RANBP10: variants seen among roughly 807,000 people sequenced by gnomAD.
RANBP10 encodes the protein RAN binding protein 10, also known as ran-binding protein 10.
RANBP10 carries 24 observed loss-of-function variants against 72.8 expected under a neutral mutation model. The observed-to-expected ratio is 0.33, with a 90% CI of 0.24 to 0.46. The LOEUF is 0.46. RANBP10 is among the 20% of genes least tolerant of loss of function. RANBP10 has a pLI of 1.00. For missense variants in RANBP10, 679 were observed against 817.5 expected (o/e 0.83, Z 2.07); for synonymous variants, 310 against 322.3 (o/e 0.96, Z 0.41).
intron 3 of RANBP10, among the ~76,000 whole-genome samples, chr16:67,768,138 C>T (rs1292271610): frequency 6.6e-6 from 1 of 151,754 alleles, no homozygotes; most frequent in Non-Finnish European, 1.5e-5. Context: ...ACTTGTAATC[C>T]CAGCACTTTG....
In RANBP10 at chr16:67,738,039, T is replaced by TG. The variant is rs763758501; in HGVS notation, c.569-5dup. The TG allele has an allele frequency of 9.4e-6, 15 of 1,588,414 alleles. No homozygotes were observed. Among genetic ancestry groups the TG allele is most frequent in the East Asian group, 9.1e-5 (4 of 43,766 alleles). On this transcript the variant is annotated splice_region_variant and splice_polypyrimidine_tract_variant and intron_variant, in intron 4 of 13. Coordinates refer to ENST00000317506, the MANE Select transcript of RANBP10 (RefSeq NM_020850.3). ...GGGAGGTCTGTGAAGGCTATACCTG[T>TG]GGGGGGAAAGGAACAGTCATCAGGG... is the stretch of plus-strand genomic sequence containing the variant.
In RANBP10 at chr16:67,730,830, G is replaced by T. The variant is rs1427111179; in HGVS notation, c.889+642C>A. 6.6e-6 allele frequency among the ~76,000 whole-genome samples: 1 copy of T among 152,126 alleles called. No individual in the cohort carries two copies. The highest frequency in any genetic ancestry group is 1.5e-5 in the Non-Finnish European group (1 of 68,016). On this transcript the variant is annotated intron_variant, in intron 7 of 13. Transcript: ENST00000317506. This position sits in a 1 kb window ranked among gnomAD's most constrained non-coding sequence, Gnocchi z 4.3. The stretch of plus-strand genomic sequence containing the variant: ...CAGACACGCATATCCACACCCACTT[G>T]CCCTCATTCTCCTTTTCTCCTTCTA...
At chr16:67,739,289 T>G (rs1324494313) in intron 4 of RANBP10, among the ~76,000 whole-genome samples, 2 of 152,210 alleles carry the variant, frequency 1.3e-5, no homozygotes, top group African/African-American at 4.8e-5. Flanking sequence ...TTACTTCATC[T>G]GATCCTCACA....
At position 67,806,173 on chromosome 16, in the gene RANBP10, C is replaced by T; in HGVS notation, c.235+129G>A. On this transcript the variant is annotated intron_variant, in intron 1 of 13. Transcript: ENST00000317506. ...TGTTCAGCCTCACCACCCTGGACATCCTGAAAGGGCCAAGCCCTAACTTGG... is the reference window on the plus strand; with the variant it reads ...TGTTCAGCCTCACCACCCTGGACATTCTGAAAGGGCCAAGCCCTAACTTGG... 8.8e-6 allele frequency: 8 copies of T among 911,996 alleles called. No individual in the cohort carries two copies. In the South Asian group the frequency reaches 1.2e-4, roughly 14 times the overall value. 56.5% of individuals were successfully genotyped at this position (911,996 alleles called of 1,614,324 possible).
intron 2 of RANBP10, among the ~76,000 whole-genome samples, chr16:67,789,538 C>T (rs1334444461): frequency 6.6e-6 from 1 of 151,334 alleles, no homozygotes; most frequent in East Asian, 2.0e-4. Flanking sequence ...GGCACCATCT[C>T]GGCTTGCTGC....
At chr16:67,781,128 C>T (rs776132327) in intron 2 of RANBP10, among the ~76,000 whole-genome samples, 2 of 152,228 alleles carry the variant, frequency 1.3e-5, no homozygotes, top group Non-Finnish European at 2.9e-5. Context: ...AGCACCTGAG[C>T]GCAGTGCCGG....
At position 67,728,394 on chromosome 16, in the gene RANBP10, G is replaced by C; in HGVS notation, c.1470C>G (p.Ser490Arg). ...KHEDLQTDES[S>R]MDDRHPRRQL... The stretch of plus-strand genomic sequence containing the variant: ...ACACCGGGCCGTGGCTCTCACCCAT[G>C]CTGGACTCATCCGTCTGCAGGTCCT... The change falls in exon 11 of 14, where the codon AGC becomes AGG. Residue 490 changes from serine to arginine, a missense_variant. By Grantham distance (110) the Ser-to-Arg change is moderately radical (BLOSUM62 -1). Transcript: ENST00000317506. The C allele has an allele frequency of 6.2e-7, 1 of 1,614,100 alleles. No individual in the cohort carries two copies. The highest frequency in any genetic ancestry group is 8.5e-7 in the Non-Finnish European group (1 of 1,179,994).
chr16:67,760,744 T>C (rs1212926691), intron 3 of RANBP10, among the ~76,000 whole-genome samples: 1 of 152,180 alleles, frequency 6.6e-6, no homozygotes, highest in Non-Finnish European at 1.5e-5. Context: ...ACTACGGTAA[T>C]GTATGTCACA....
At chr16:67,779,315 AG>A (rs1171181787) in intron 2 of RANBP10, among the ~76,000 whole-genome samples, 2 of 150,164 alleles carry the variant, frequency 1.3e-5, no homozygotes, top group Non-Finnish European at 3.0e-5. Flanking sequence ...GGATGGCTTG[AG>A]CCTGGGGTGG....
chr16:67,786,420 G>T (rs2054918612), intron 2 of RANBP10, among the ~76,000 whole-genome samples: 1 of 152,092 alleles, frequency 6.6e-6, no homozygotes, highest in Admixed American at 6.6e-5. Context: ...TCTGATAAGG[G>T]TTTAATATCA....
chr16:67,799,239 A>AT (rs1456466742), intron 2 of RANBP10, among the ~76,000 whole-genome samples: 1 of 145,246 alleles, frequency 6.9e-6, no homozygotes, highest in Non-Finnish European at 1.5e-5. Flanking sequence ...CACACAAGGT[A>AT]TTTTCAGTCT....
chr16:67,767,900 C>A (rs1006194778), intron 3 of RANBP10, among the ~76,000 whole-genome samples: 3 of 151,902 alleles, frequency 2.0e-5, no homozygotes, highest in Non-Finnish European at 2.9e-5. Context: ...CCTGCCTCTA[C>A]AAGAAAATTT....
chr16:67,735,535 G>C (rs1449004604), intron 5 of RANBP10: 1 of 152,532 alleles, frequency 6.6e-6, no homozygotes, highest in Non-Finnish European at 1.5e-5. Context: ...TAGGAGGATC[G>C]CTTGAGCCCA....
chr16:67,775,301 A>G (rs555608872), intron 2 of RANBP10, among the ~76,000 whole-genome samples: 2 of 151,982 alleles, frequency 1.3e-5, no homozygotes, highest in East Asian at 3.9e-4. Flanking sequence ...ACAAAGAGAG[A>G]CTCCGCTTCG....
At chr16:67,777,592 A>G (rs750775792) in intron 2 of RANBP10, among the ~76,000 whole-genome samples, 25 of 152,180 alleles carry the variant, frequency 1.6e-4, no homozygotes, top group Non-Finnish European at 3.4e-4. Flanking sequence ...AAGACACTAA[A>G]AACTATAAAA....
chr16:67,764,647 C>T (rs1427018071), intron 3 of RANBP10, among the ~76,000 whole-genome samples: 4 of 152,172 alleles, frequency 2.6e-5, no homozygotes, highest in African/African-American at 4.8e-5. Context: ...GAGCTATGAT[C>T]GTGCCACTGT....
chr16:67,733,243 A>ACAGTC (rs2053770736), intron 6 of RANBP10, among the ~76,000 whole-genome samples: 1 of 151,384 alleles, frequency 6.6e-6, no homozygotes, highest in Non-Finnish European at 1.5e-5. Flanking sequence ...GTGCATGCCT[A>ACAGTC]CAGTCCCAGC....
chr16:67,784,720 G>T (rs2054878457), intron 2 of RANBP10, among the ~76,000 whole-genome samples: 1 of 152,096 alleles, frequency 6.6e-6, no homozygotes, highest in Non-Finnish European at 1.5e-5. Flanking sequence ...TCGGGAGGCT[G>T]AGGCAGGAAA....
Position 67,735,034 on chromosome 16 carries a change from G to C in RANBP10, c.600C>G (p.Leu200=). The change falls in exon 6 of 14, where the codon CTC becomes CTG. Residue 200 remains leucine (L), a synonymous_variant. Transcript: ENST00000317506. The part of the protein sequence containing the change: ...GIAFTDLPAN[L]YPTVGLQTPG... The stretch of plus-strand genomic sequence containing the variant: ...GTGTCTGCAGGCCTACGGTGGGGTA[G>C]AGGTTGGCCTGAGGAGGAGAATGAA... The C allele has an allele frequency of 1.9e-6, 3 of 1,599,116 alleles. No individual in the cohort carries two copies. Among genetic ancestry groups the C allele is most frequent in the Non-Finnish European group, 2.6e-6 (3 of 1,170,044 alleles).
Sources: allele counts gnomAD v4.1 joint callset (sites outside exome capture counted in the v4.1 genomes callset), GRCh38; gene constraint gnomAD v4.1.1; non-coding constraint Gnocchi (gnomAD v3.1); transcripts MANE v1.5; gene names NCBI Gene and HGNC (gene_info 2026-07-23, HGNC 2026-07-21).